Variants in NRXN3 observed in about 807,000 individuals in gnomAD.
NRXN3 encodes the protein neurexin III.
In NRXN3, 32 loss-of-function variants were observed where a neutral mutation model predicts 137.6. That is an observed-to-expected ratio of 0.23 (90% CI 0.18 to 0.31). The LOEUF is 0.31. Ranked by LOEUF, NRXN3 falls within the 10% of genes least tolerant of loss-of-function variation. The pLI is 1.00. For missense variants in NRXN3, 1,574 were observed against 2,062.5 expected (o/e 0.76, Z 4.59); for synonymous variants, 798 against 784.5 (o/e 1.02, Z -0.29).
intron 3 of NRXN3, among the ~76,000 whole-genome samples, chr14:78,284,023 T>G (rs78957238): frequency 6.6e-6 from 1 of 152,222 alleles, no homozygotes. Context: ...ACCTACCTCA[T>G]GGAGTTGTTT....
intron 4 of NRXN3, among the ~76,000 whole-genome samples, chr14:78,591,006 C>T (rs2097111230): frequency 6.6e-6 from 1 of 152,116 alleles, no homozygotes; most frequent in Non-Finnish European, 1.5e-5. Flanking sequence ...GAAGTAAATG[C>T]TATGTCTGCA....
At chr14:79,071,759 G>C (rs1288605355) in intron 15 of NRXN3, among the ~76,000 whole-genome samples, 1 of 152,258 alleles carries the variant, frequency 6.6e-6, no homozygotes, top group South Asian at 2.1e-4. Flanking sequence ...GGATTTGATA[G>C]CCTATCAGGG....
At chr14:79,859,966 A>G (rs2141930056) in intron 20 of NRXN3, among the ~76,000 whole-genome samples, 1 of 152,250 alleles carries the variant, frequency 6.6e-6, no homozygotes, top group South Asian at 2.1e-4. Context: ...CAACATTATA[A>G]AGACACTGAA....
intron 6 of NRXN3, among the ~76,000 whole-genome samples, chr14:78,681,061 G>A (rs2098070068): frequency 6.6e-6 from 1 of 152,200 alleles, no homozygotes; most frequent in African/African-American, 2.4e-5. Context: ...ATAGCAGCAA[G>A]CAGCTGATAG....
At chr14:79,060,498 G>A (rs6574480) in intron 15 of NRXN3, among the ~76,000 whole-genome samples, 79,881 of 152,020 alleles carry the variant, frequency 0.53, 23,235 homozygotes, top group East Asian at 0.78. Flanking sequence ...ATGGATGACT[G>A]GTAAATACTT....
At chr14:79,584,266 T>C (rs1193165782) in intron 16 of NRXN3, among the ~76,000 whole-genome samples, 2 of 151,966 alleles carry the variant, frequency 1.3e-5, no homozygotes, top group African/African-American at 4.8e-5. Context: ...GTCCAGGGGG[T>C]GAGCAGAAAG....
intron 15 of NRXN3, among the ~76,000 whole-genome samples, chr14:79,234,341 A>ATATATAT: frequency 1.1e-5 from 1 of 94,376 alleles, no homozygotes; most frequent in South Asian, 3.4e-4. Context: ...TATATATATA[A>ATATATAT]TATTTATATA....
At chr14:78,836,341 T>G (rs972865876) in intron 10 of NRXN3, among the ~76,000 whole-genome samples, 8 of 152,194 alleles carry the variant, frequency 5.3e-5, no homozygotes, top group Non-Finnish European at 1.2e-4. Context: ...CTATAAATAT[T>G]GTTATTCAAA....
intron 19 of NRXN3, among the ~76,000 whole-genome samples, chr14:79,775,980 G>A (rs1207034395): frequency 6.6e-6 from 1 of 152,138 alleles, no homozygotes; most frequent in Non-Finnish European, 1.5e-5. Context: ...AAAAAAAGTA[G>A]GTTCTTCATA....
At chr14:79,628,448 A>G (rs1420058408) in intron 16 of NRXN3, among the ~76,000 whole-genome samples, 1 of 152,176 alleles carries the variant, frequency 6.6e-6, no homozygotes, top group East Asian at 1.9e-4. Context: ...TCTGTATTCA[A>G]CCAATTTTGA....
chr14:78,949,592 ATT>A (rs569606260), intron 10 of NRXN3, among the ~76,000 whole-genome samples: 5 of 132,504 alleles, frequency 3.8e-5, no homozygotes, highest in African/African-American at 1.4e-4. Flanking sequence ...ATAGAAGTGA[ATT>A]TTTTTTTTTA....
chr14:79,405,611 A>C (rs989554419), intron 15 of NRXN3, among the ~76,000 whole-genome samples: 4 of 152,154 alleles, frequency 2.6e-5, no homozygotes, highest in African/African-American at 9.6e-5. Flanking sequence ...AGGAGCAACT[A>C]ATCAATGAGG....
intron 19 of NRXN3, among the ~76,000 whole-genome samples, chr14:79,726,871 TA>T (rs1393036112): frequency 6.6e-6 from 1 of 152,130 alleles, no homozygotes; most frequent in African/African-American, 2.4e-5. Context: ...ATATATGAGA[TA>T]AATGATGGGG....
intron 15 of NRXN3, among the ~76,000 whole-genome samples, chr14:79,296,080 G>T (rs2084056071): frequency 6.6e-6 from 1 of 152,102 alleles, no homozygotes; most frequent in African/African-American, 2.4e-5. Context: ...TTGCATTGCT[G>T]TTATTTATTG....
intron 10 of NRXN3, among the ~76,000 whole-genome samples, chr14:78,925,738 A>G (rs966293549): frequency 2.0e-5 from 3 of 152,126 alleles, no homozygotes; most frequent in African/African-American, 4.8e-5. Flanking sequence ...CCATCTCTAT[A>G]TGCTAAGTAC....
intron 4 of NRXN3, among the ~76,000 whole-genome samples, chr14:78,365,059 T>TA (rs1473011435): frequency 2.0e-5 from 3 of 152,154 alleles, no homozygotes; most frequent in Admixed American, 6.5e-5. Context: ...AGCAAGAAAT[T>TA]AAAAAAAATT....
intron 10 of NRXN3, among the ~76,000 whole-genome samples, chr14:78,907,602 C>T (rs947890212): frequency 3.9e-5 from 6 of 151,972 alleles, no homozygotes; most frequent in Non-Finnish European, 8.8e-5. Flanking sequence ...ACATTACACA[C>T]CTTAAGAATG....
At chr14:78,891,186 C>T (rs1385707127) in intron 10 of NRXN3, among the ~76,000 whole-genome samples, 1 of 151,822 alleles carries the variant, frequency 6.6e-6, no homozygotes, top group Non-Finnish European at 1.5e-5. Flanking sequence ...CAATAGTGCA[C>T]CAGTGGCAGC....
intron 16 of NRXN3, among the ~76,000 whole-genome samples, chr14:79,505,017 C>T (rs1022670832): frequency 6.6e-6 from 1 of 152,028 alleles, no homozygotes; most frequent in Non-Finnish European, 1.5e-5. Flanking sequence ...GAGTTTGAGA[C>T]CAGCCTGAAC....
Sources: gnomAD v4.1 joint callset for allele counts (sites outside exome capture counted in the v4.1 genomes callset) on GRCh38, gnomAD v4.1.1 for gene constraint, MANE v1.5 for transcripts, NCBI Gene and HGNC (gene_info 2026-07-23, HGNC 2026-07-21) for gene names.